The following TPTE2 variants were observed in gnomAD, a reference collection of about 807,000 sequenced individuals.
The protein encoded by TPTE2 is phosphatidylinositol 3,4,5-trisphosphate 3-phosphatase TPTE2.
TPTE2 carries 53 observed loss-of-function variants against 78.6 expected under a neutral mutation model. The ratio of observed to expected loss-of-function variants is 0.67; its 90% CI spans 0.54 to 0.85. The LOEUF (loss-of-function observed/expected upper bound fraction) is 0.85, where lower values mean the gene tolerates loss of function less well. Ranked by LOEUF, TPTE2 falls within the 40% of genes least tolerant of loss-of-function variation. The pLI is 0.00. For missense variants in TPTE2, 461 were observed against 623.0 expected, an observed-to-expected ratio of 0.74 and a Z score of 2.77; for synonymous variants, 175 against 206.2, an observed-to-expected ratio of 0.85 and a Z score of 1.30.
At chr13:19,433,783 G>A (rs1876860032) in intron 15 of TPTE2, among the ~76,000 whole-genome samples, 1 of 152,214 alleles carries the variant, frequency 6.6e-6, no homozygotes. Context: ...ACATGCAGCT[G>A]AGTCCCTGTG....
At chr13:19,555,118 T>G in the TPTE2 span, among the ~76,000 whole-genome samples, 1 of 152,246 alleles carries the variant, frequency 6.6e-6, no homozygotes, top group African/African-American at 2.4e-5. Flanking sequence ...GCACTATGCC[T>G]GACGCTCTCT....
At chr13:19,455,186 T>A (rs1273999871) in intron 10 of TPTE2, among the ~76,000 whole-genome samples, 1 of 152,196 alleles carries the variant, frequency 6.6e-6, no homozygotes, top group Non-Finnish European at 1.5e-5. Context: ...CTCTTCAAGG[T>A]CTTTAGGTAT....
intron 1 of TPTE2, among the ~76,000 whole-genome samples, chr13:19,500,078 C>A (rs772589982): frequency 3.8e-4 from 57 of 151,772 alleles, no homozygotes; most frequent in Middle Eastern, 3.4e-3. Flanking sequence ...TCGACACATA[C>A]ACTCTCCCAA....
At chr13:19,559,174 G>A in the TPTE2 span, among the ~76,000 whole-genome samples, 1 of 152,252 alleles carries the variant, frequency 6.6e-6, no homozygotes, top group East Asian at 1.9e-4. Flanking sequence ...TAACAGTACT[G>A]GCATTACTTG....
intron 4 of TPTE2, among the ~76,000 whole-genome samples, chr13:19,480,792 A>G (rs1170064699): frequency 1.3e-5 from 2 of 152,212 alleles, no homozygotes; most frequent in African/African-American, 4.8e-5. Context: ...AGCACATATC[A>G]ATATCAATAG....
chr13:19,450,788 C>T (rs528761164), intron 11 of TPTE2, among the ~76,000 whole-genome samples: 27 of 152,256 alleles, frequency 1.8e-4, no homozygotes, highest in Non-Finnish European at 3.5e-4. Flanking sequence ...TAGAGCCTTG[C>T]TCTCATCACA....
chr13:19,482,204 C>T (rs901770204), intron 4 of TPTE2, among the ~76,000 whole-genome samples: 1 of 151,936 alleles, frequency 6.6e-6, no homozygotes, highest in African/African-American at 2.4e-5. Flanking sequence ...TTCTGCATTC[C>T]TGTTTTTTAA....
chr13:19,430,908 C>A (rs1876538311), intron 16 of TPTE2, among the ~76,000 whole-genome samples: 1 of 152,054 alleles, frequency 6.6e-6, no homozygotes, highest in Non-Finnish European at 1.5e-5. Context: ...GGGTGGATTA[C>A]TTGAGGTCAG....
At chr13:19,427,274 G>A (rs1200412391) in intron 17 of TPTE2, among the ~76,000 whole-genome samples, 2 of 151,012 alleles carry the variant, frequency 1.3e-5, no homozygotes, top group Non-Finnish European at 2.9e-5. Context: ...TAGTGGAGAC[G>A]GGGTTTCACC....
At chr13:19,434,078 A>G (rs1213270533) in intron 15 of TPTE2, among the ~76,000 whole-genome samples, 1 of 152,204 alleles carries the variant, frequency 6.6e-6, no homozygotes, top group Non-Finnish European at 1.5e-5. Context: ...AAATTAATAC[A>G]ACCAACACAT....
At chr13:19,490,646 C>T (rs1169695722) in intron 3 of TPTE2, among the ~76,000 whole-genome samples, 2 of 152,224 alleles carry the variant, frequency 1.3e-5, no homozygotes, top group Non-Finnish European at 2.9e-5. Flanking sequence ...TAACTCTTCA[C>T]CAATCATGGA....
upstream of TPTE2, among the ~76,000 whole-genome samples, chr13:19,503,640 ACTT>A (rs1442183539): frequency 5.3e-5 from 8 of 152,072 alleles, no homozygotes; most frequent in Non-Finnish European, 1.2e-4. Flanking sequence ...GCCCTCCATT[ACTT>A]CTTCATTTGA....
chr13:19,547,491 A>G, the TPTE2 span, among the ~76,000 whole-genome samples: 4 of 152,086 alleles, frequency 2.6e-5, no homozygotes, highest in Admixed American at 2.6e-4. Flanking sequence ...GGCAATTTAA[A>G]ATACACCTAT....
the TPTE2 span, among the ~76,000 whole-genome samples, chr13:19,556,829 C>T: frequency 6.6e-6 from 1 of 152,236 alleles, no homozygotes; most frequent in African/African-American, 2.4e-5. Flanking sequence ...AAAAAACTAA[C>T]TTCTATTCTT....
chr13:19,529,446 T>A (rs1326132604), intron 1 of TPTE2, among the ~76,000 whole-genome samples: 1 of 152,200 alleles, frequency 6.6e-6, no homozygotes, highest in Non-Finnish European at 1.5e-5. Flanking sequence ...GTTTTCAATA[T>A]CTCAGAAAGC....
chr13:19,487,005 T>C (rs973426968), intron 3 of TPTE2, among the ~76,000 whole-genome samples: 2 of 152,258 alleles, frequency 1.3e-5, no homozygotes, highest in East Asian at 1.9e-4. Context: ...GTCCAGGACA[T>C]GGGCATTCAT....
intron 1 of TPTE2, among the ~76,000 whole-genome samples, chr13:19,513,892 C>T (rs1869618890): frequency 6.6e-6 from 1 of 152,132 alleles, no homozygotes; most frequent in Non-Finnish European, 1.5e-5. Context: ...GTCCCTCCAC[C>T]ACCTTCATGC....
chr13:19,533,709 G>A (rs1871021965), intron 1 of TPTE2, among the ~76,000 whole-genome samples: 1 of 152,224 alleles, frequency 6.6e-6, no homozygotes, highest in South Asian at 2.1e-4. Context: ...GAAACAGGCT[G>A]ATAGATTGTT....
the TPTE2 span, chr13:19,561,344 A>G: frequency 1.7e-6 from 1 of 584,700 alleles, no homozygotes; most frequent in East Asian, 3.2e-5. Context: ...CCTCCTCGCG[A>G]CCGGCCTGCA....
Sources: gnomAD v4.1 joint callset for allele counts (sites outside exome capture counted in the v4.1 genomes callset) on GRCh38, gnomAD v4.1.1 for gene constraint, MANE v1.5 for transcripts, NCBI Gene and HGNC (gene_info 2026-07-23, HGNC 2026-07-21) for gene names.